The following NR3C2 variants were observed in gnomAD, a reference collection of about 807,000 sequenced individuals.
NR3C2 encodes nuclear receptor subfamily 3 group C member 2, also known as mineralocorticoid receptor.
A neutral mutation model predicts 86.4 loss-of-function variants in NR3C2; 15 were observed. The observed-to-expected ratio is 0.17, with a 90% CI of 0.12 to 0.27. The LOEUF is 0.27. NR3C2 is among the 10% of genes least tolerant of loss of function. NR3C2 has a pLI of 1.00. For synonymous variants in NR3C2, 458 were observed against 450.5 expected (o/e 1.02, Z -0.21); for missense variants, 960 against 1,195.6 (o/e 0.80, Z 2.91).
At chr4:148,361,334 G>A (rs1006893463) in intron 2 of NR3C2, among the ~76,000 whole-genome samples, 10 of 152,036 alleles carry the variant, frequency 6.6e-5, no homozygotes, top group Admixed American at 3.9e-4. Context: ...AAATCTCTAG[G>A]CTACGATATT....
intron 2 of NR3C2, among the ~76,000 whole-genome samples, chr4:148,382,673 TTTAA>T (rs546550104): frequency 3.9e-4 from 59 of 152,348 alleles, no homozygotes; most frequent in African/African-American, 1.4e-3. Flanking sequence ...GTCTAGGTAT[TTTAA>T]TTAATAACAT....
At chr4:148,138,315 A>G (rs1733447260) in intron 6 of NR3C2, among the ~76,000 whole-genome samples, 1 of 152,266 alleles carries the variant, frequency 6.6e-6, no homozygotes, top group Non-Finnish European at 1.5e-5. Flanking sequence ...AATATGAACC[A>G]AAGTTCCAGT....
At chr4:148,187,330 G>A (rs555429949) in intron 4 of NR3C2, among the ~76,000 whole-genome samples, 12 of 152,084 alleles carry the variant, frequency 7.9e-5, no homozygotes, top group Non-Finnish European at 1.6e-4. Context: ...CAGCAGTGTA[G>A]AAGTGTTCCC....
At chr4:148,285,938 A>C (rs1741499017) in intron 2 of NR3C2, among the ~76,000 whole-genome samples, 1 of 152,236 alleles carries the variant, frequency 6.6e-6, no homozygotes, top group Non-Finnish European at 1.5e-5. Context: ...TCTAGAGGGA[A>C]AATATTAACA....
intron 6 of NR3C2, among the ~76,000 whole-genome samples, chr4:148,142,018 T>C (rs1464863866): frequency 6.6e-6 from 1 of 152,072 alleles, no homozygotes; most frequent in Non-Finnish European, 1.5e-5. Flanking sequence ...AAGTATGCTT[T>C]GGGTTGGGCT....
intron 7 of NR3C2, among the ~76,000 whole-genome samples, chr4:148,115,173 G>A (rs1221124203): frequency 6.6e-6 from 1 of 152,142 alleles, no homozygotes; most frequent in Non-Finnish European, 1.5e-5. Flanking sequence ...CCTTTTATGT[G>A]GTGGCTAGCT....
intron 8 of NR3C2, among the ~76,000 whole-genome samples, chr4:148,089,936 C>G (rs1248437355): frequency 6.6e-6 from 1 of 152,234 alleles, no homozygotes; most frequent in East Asian, 1.9e-4. Context: ...CCTTTTCTTA[C>G]AGTTTTAACC....
chr4:148,082,273 C>A (rs539496177), intron 8 of NR3C2, among the ~76,000 whole-genome samples: 2 of 152,324 alleles, frequency 1.3e-5, no homozygotes, highest in African/African-American at 2.4e-5. Context: ...TGGAGGCTGG[C>A]AATACGGCCA....
At chr4:148,247,532 AG>A (rs1440237882) in intron 3 of NR3C2, among the ~76,000 whole-genome samples, 7 of 151,896 alleles carry the variant, frequency 4.6e-5, no homozygotes, top group African/African-American at 1.5e-4. Context: ...CAATATGATG[AG>A]TCTGCTCTAC....
At chr4:148,254,841 C>A (rs1176906533) in intron 3 of NR3C2, among the ~76,000 whole-genome samples, 1 of 152,062 alleles carries the variant, frequency 6.6e-6, no homozygotes, top group Non-Finnish European at 1.5e-5. Flanking sequence ...TCATAAGCTT[C>A]CTGTACATGA....
intron 3 of NR3C2, among the ~76,000 whole-genome samples, chr4:148,201,903 A>C (rs2149809054): frequency 6.6e-6 from 1 of 152,320 alleles, no homozygotes; most frequent in South Asian, 2.1e-4. Context: ...TTATCAAGCA[A>C]GACACTGCGG....
intron 3 of NR3C2, among the ~76,000 whole-genome samples, chr4:148,234,393 T>A (rs1414720780): frequency 1.3e-5 from 2 of 151,906 alleles, no homozygotes; most frequent in African/African-American, 2.4e-5. Flanking sequence ...AGGGAGAGGC[T>A]GGGGGCAGTG....
intron 6 of NR3C2, among the ~76,000 whole-genome samples, chr4:148,143,176 C>T (rs923725407): frequency 1.3e-5 from 2 of 152,154 alleles, no homozygotes; most frequent in East Asian, 1.9e-4. Context: ...CAAGAAGGCT[C>T]GAAAGAGCCA....
intron 2 of NR3C2, among the ~76,000 whole-genome samples, chr4:148,284,137 G>GCT (rs1285600389): frequency 6.6e-6 from 1 of 152,106 alleles, no homozygotes; most frequent in Non-Finnish European, 1.5e-5. Flanking sequence ...CTACCAACAT[G>GCT]TATTCCTCTG....
chr4:148,216,933 T>C (rs1046519287), intron 3 of NR3C2, among the ~76,000 whole-genome samples: 1 of 152,194 alleles, frequency 6.6e-6, no homozygotes. Context: ...GGCCAAAGTC[T>C]TTTTTACCAA....
rs1215286840 is a variant in NR3C2, at chr4:148,153,281, G to A, written c.2366-668C>T. ...GCTCACTGCATCCCAGGTTTCAAGC[G>A]ATTCTCCTGCCTCAGGCTCACAAGT... On this transcript the variant is annotated intron_variant, in intron 5 of 8. Transcript: ENST00000358102. Among the ~76,000 whole-genome samples, 3 of 152,110 alleles carry A rather than the reference G, an allele frequency of 2.0e-5. No individual in the cohort carries two copies. In the East Asian group the frequency reaches 5.8e-4, roughly 29 times the overall value.
chr4:148,080,876 ATTTT>A lies in NR3C2; in HGVS notation c.*464_*467del. 3 of 363,338 alleles carry A rather than the reference ATTTT, an allele frequency of 8.3e-6. No individual in the cohort carries two copies. Among genetic ancestry groups the A allele is most frequent in the Middle Eastern group, 4.9e-4 (1 of 2,046 alleles). The allele number at this position is 363,338 out of a possible 1,614,324, so 22.5% of individuals were successfully genotyped here. On this transcript the variant is annotated 3_prime_UTR_variant, in exon 9 of 9. Coordinates refer to ENST00000358102, the MANE Select transcript of NR3C2 (RefSeq NM_000901.5). ...AGGAATCTGTATATATTTTTTTATTATTTTTTTGTGTTTTTTTAATAACAAAAGA... is the reference window on the plus strand; with the variant it reads ...AGGAATCTGTATATATTTTTTTATTATTTGTGTTTTTTTAATAACAAAAGA...
intron 4 of NR3C2, among the ~76,000 whole-genome samples, chr4:148,176,630 C>T (rs907343455): frequency 2.0e-5 from 3 of 152,208 alleles, no homozygotes; most frequent in Non-Finnish European, 4.4e-5. Flanking sequence ...CTTTGAGTCT[C>T]TTTGCTAAAT....
rs554483977 is a variant in NR3C2, at chr4:148,224,805, A to G, written c.1898-29943T>C. ...AACTTACAGGATTGTTATAAGGAGT[A>G]GAAGAAACATTACATCTGATAAGGC... On this transcript the variant is annotated intron_variant, in intron 3 of 8. Coordinates refer to ENST00000358102, the MANE Select transcript of NR3C2 (RefSeq NM_000901.5). Among the ~76,000 whole-genome samples, 3 of 152,344 alleles carry G rather than the reference A, an allele frequency of 2.0e-5. No individual in the cohort carries two copies. In the East Asian group the frequency reaches 5.8e-4, roughly 29 times the overall value.
Sources: allele counts gnomAD v4.1 joint callset (sites outside exome capture counted in the v4.1 genomes callset), GRCh38; gene constraint gnomAD v4.1.1; transcripts MANE v1.5; gene names NCBI Gene and HGNC (gene_info 2026-07-23, HGNC 2026-07-21).